SCG5: variants seen among roughly 807,000 people sequenced by gnomAD.
SCG5 encodes secretogranin V.
A neutral mutation model predicts 25.7 loss-of-function variants in SCG5; 18 were observed. That is an observed-to-expected ratio of 0.70 (90% CI 0.48 to 1.04). The LOEUF (loss-of-function observed/expected upper bound fraction) is 1.04. Among genes scored for constraint, SCG5 ranks in the 50% least tolerant of loss-of-function variants. The pLI is 0.00. For missense variants in SCG5, 206 were observed against 259.8 expected (o/e 0.79, Z 1.42); for synonymous variants, 101 against 91.7 (o/e 1.10, Z -0.58).
intron 2 of SCG5, among the ~76,000 whole-genome samples, chr15:32,656,950 A>C (rs2054127417): frequency 6.6e-6 from 1 of 151,420 alleles, no homozygotes; most frequent in South Asian, 2.1e-4. Flanking sequence ...CAGGAAGAGC[A>C]CTGAGGCAGG....
chr15:32,666,916 T>A (rs1300684879), intron 2 of SCG5, among the ~76,000 whole-genome samples: 2 of 152,222 alleles, frequency 1.3e-5, no homozygotes, highest in Non-Finnish European at 2.9e-5. Context: ...CTCTGACCGA[T>A]TTGGTATTCA....
At chr15:32,641,958 T>C (rs1457062138) in intron 1 of SCG5, among the ~76,000 whole-genome samples, 180 bp downstream of exon 1, 2 of 151,790 alleles carry the variant, frequency 1.3e-5, no homozygotes, top group African/African-American at 2.4e-5. Flanking sequence ...AGGGAGGAGA[T>C]TGTGTAGTTC....
chr15:32,675,362 G>T (rs2054513371), intron 2 of SCG5, among the ~76,000 whole-genome samples: 1 of 152,098 alleles, frequency 6.6e-6, no homozygotes, highest in African/African-American at 2.4e-5. Context: ...AACTCATGTT[G>T]CAGCCACCCT....
chr15:32,643,273 G>C (rs959465656), intron 1 of SCG5, among the ~76,000 whole-genome samples: 3 of 152,176 alleles, frequency 2.0e-5, no homozygotes, highest in Non-Finnish European at 2.9e-5. Context: ...GAAGTTAGGA[G>C]TAATGCAGAA....
chr15:32,654,070 G>C (rs918453767), intron 2 of SCG5, among the ~76,000 whole-genome samples: 1 of 152,230 alleles, frequency 6.6e-6, no homozygotes, highest in Non-Finnish European at 1.5e-5. Context: ...AGGCAGGCAA[G>C]GAGGGTGAGT....
At chr15:32,659,871 C>T (rs1402524664) in intron 2 of SCG5, among the ~76,000 whole-genome samples, 1 of 151,324 alleles carries the variant, frequency 6.6e-6, no homozygotes, top group Admixed American at 6.6e-5. Context: ...ATCTTGCTTG[C>T]TTTCCTTTAA....
At chr15:32,657,934 G>C (rs1207203229) in intron 2 of SCG5, among the ~76,000 whole-genome samples, 1 of 152,128 alleles carries the variant, frequency 6.6e-6, no homozygotes, top group Non-Finnish European at 1.5e-5. Context: ...GAGGAATTGA[G>C]CGTGTTTACA....
At chr15:32,664,541 T>C (rs1298854933) in intron 2 of SCG5, among the ~76,000 whole-genome samples, 1 of 152,204 alleles carries the variant, frequency 6.6e-6, no homozygotes, top group Non-Finnish European at 1.5e-5. Context: ...TTGTGAGGCC[T>C]GAAACTCATG....
intron 2 of SCG5, among the ~76,000 whole-genome samples, chr15:32,659,347 C>T (rs577770812): frequency 6.9e-4 from 105 of 152,284 alleles, no homozygotes; most frequent in African/African-American, 2.5e-3. Flanking sequence ...TGATTATAAG[C>T]TCCCAGAGTG....
intron 4 of SCG5, among the ~76,000 whole-genome samples, chr15:32,690,922 G>GC (rs34757221): frequency 0.12 from 17,814 of 143,174 alleles, 1,200 homozygotes; most frequent in Admixed American, 0.16. Context: ...CACAAGTAAA[G>GC]CCCCCCCCCA....
At chr15:32,663,607 T>G (rs2054274115) in intron 2 of SCG5, among the ~76,000 whole-genome samples, 1 of 152,280 alleles carries the variant, frequency 6.6e-6, no homozygotes, top group East Asian at 1.9e-4. Flanking sequence ...CAGAATTACC[T>G]GGGAAGCTTA....
chr15:32,681,959 C>A (rs1313228885), intron 3 of SCG5, among the ~76,000 whole-genome samples: 2 of 152,106 alleles, frequency 1.3e-5, no homozygotes, highest in Non-Finnish European at 2.9e-5. Flanking sequence ...GCTGCTGGGC[C>A]AGGAAGGCAG....
At chr15:32,659,656 A>C (rs528559442) in intron 2 of SCG5, among the ~76,000 whole-genome samples, 1 of 152,200 alleles carries the variant, frequency 6.6e-6, no homozygotes, top group Admixed American at 6.5e-5. Flanking sequence ...GCAGAAGCCC[A>C]GGGGACCTTC....
chr15:32,660,188 T>C (rs2054194002), intron 2 of SCG5, among the ~76,000 whole-genome samples: 1 of 152,228 alleles, frequency 6.6e-6, no homozygotes, highest in African/African-American at 2.4e-5. Flanking sequence ...TGGCTTTTTT[T>C]ACAGTCAGAG....
chr15:32,696,382 G>C (rs2054962832), intron 5 of SCG5, 132 bp from the exon 6 acceptor site: 1 of 607,590 alleles, frequency 1.6e-6, no homozygotes, highest in Non-Finnish European at 2.9e-6. Context: ...CTCCCAAAGT[G>C]CTGGGATTAC....
intron 5 of SCG5, among the ~76,000 whole-genome samples, chr15:32,692,999 C>A (rs1306162572): frequency 2.0e-5 from 3 of 152,026 alleles, no homozygotes; most frequent in African/African-American, 4.8e-5. Flanking sequence ...TTACAGCTTC[C>A]AATAGCAGAT....
chr15:32,677,274 CG>C (rs1322892136), intron 2 of SCG5, among the ~76,000 whole-genome samples: 1 of 152,146 alleles, frequency 6.6e-6, no homozygotes, highest in Non-Finnish European at 1.5e-5. Flanking sequence ...TGCCTGAATG[CG>C]GGGGCTAGAG....
chr15:32,660,863 T>G (rs4238560), intron 2 of SCG5, among the ~76,000 whole-genome samples: 1 of 152,258 alleles, frequency 6.6e-6, no homozygotes, highest in Non-Finnish European at 1.5e-5. Context: ...AAAGCTCTAG[T>G]ATCTGGGAAG....
intron 4 of SCG5, among the ~76,000 whole-genome samples, chr15:32,685,518 T>C (rs1384650609): frequency 2.0e-5 from 3 of 152,222 alleles, no homozygotes; most frequent in Non-Finnish European, 4.4e-5. Flanking sequence ...TGGTATTCTG[T>C]GTGTCTTAGC....
Sources: allele counts gnomAD v4.1 joint callset (sites outside exome capture counted in the v4.1 genomes callset), GRCh38; gene constraint gnomAD v4.1.1; transcripts MANE v1.5; gene names NCBI Gene and HGNC (gene_info 2026-07-23, HGNC 2026-07-21).